PPIL6: variants seen among roughly 807,000 people sequenced by gnomAD.
PPIL6 encodes probable inactive peptidyl-prolyl cis-trans isomerase-like 6.
A neutral mutation model predicts 36.8 loss-of-function variants in PPIL6; 39 were observed. The observed-to-expected ratio is 1.06, with a 90% CI of 0.82 to 1.38. PPIL6 has a LOEUF of 1.38. Ranked by LOEUF, PPIL6 falls within the 40% of genes most tolerant of loss-of-function variation. The pLI, the probability that PPIL6 is intolerant of heterozygous loss-of-function variation, is 0.00. For synonymous variants in PPIL6, 123 were observed against 134.1 expected (o/e 0.92, Z 0.57); for missense variants, 368 against 379.1 (o/e 0.97, Z 0.24).
chr6:109,417,994 A>G (rs1312170003), intron 6 of PPIL6: 1 of 152,208 alleles, frequency 6.6e-6, no homozygotes, highest in East Asian at 1.9e-4. Context: ...CTTTCAGAGA[A>G]ACTCTCTTTG....
intron 1 of PPIL6, among the ~76,000 whole-genome samples, chr6:109,436,462 A>C (rs1415811575): frequency 6.6e-6 from 1 of 152,216 alleles, no homozygotes; most frequent in Non-Finnish European, 1.5e-5. Context: ...TCACACCTGT[A>C]ATCTCAGCAC....
chr6:109,417,297 C>T (rs1773315614), intron 6 of PPIL6, among the ~76,000 whole-genome samples: 1 of 152,014 alleles, frequency 6.6e-6, no homozygotes, highest in Admixed American at 6.6e-5. Flanking sequence ...GTAGTAGTCC[C>T]ACCTACTTAG....
intron 6 of PPIL6, among the ~76,000 whole-genome samples, chr6:109,415,207 T>A (rs1483838139): frequency 6.6e-6 from 1 of 152,232 alleles, no homozygotes; most frequent in Non-Finnish European, 1.5e-5. Flanking sequence ...ACTTTTTGCT[T>A]TTTCATTTCT....
chr6:109,439,194 C>A (rs1484187501), intron 1 of PPIL6, among the ~76,000 whole-genome samples: 1 of 152,130 alleles, frequency 6.6e-6, no homozygotes, highest in Non-Finnish European at 1.5e-5. Flanking sequence ...GAAAAAAAAT[C>A]TCTGAAACTC....
chr6:109,429,484 C>G (rs1254411073), intron 3 of PPIL6, among the ~76,000 whole-genome samples: 1 of 152,004 alleles, frequency 6.6e-6, no homozygotes, highest in Middle Eastern at 3.2e-3. Context: ...CCCTTCCTAT[C>G]TGGGGAACTC....
intron 6 of PPIL6, chr6:109,403,033 C>A (rs751967242): frequency 1.9e-5 from 29 of 1,528,438 alleles, no homozygotes; most frequent in Non-Finnish European, 2.5e-5. Flanking sequence ...CTGCTCACCT[C>A]GGTATTTCTC....
intron 6 of PPIL6, among the ~76,000 whole-genome samples, chr6:109,408,838 C>T (rs1772899759): frequency 1.3e-5 from 2 of 152,130 alleles, no homozygotes; most frequent in East Asian, 1.9e-4. Flanking sequence ...AAATTTCCTC[C>T]TCCTGAGGGA....
intron 6 of PPIL6, chr6:109,418,029 C>T (rs1289291121): frequency 6.6e-6 from 1 of 152,134 alleles, no homozygotes; most frequent in Non-Finnish European, 1.5e-5. Flanking sequence ...ATTAGTTTTC[C>T]TAAATGTTTA....
intron 2 of PPIL6, among the ~76,000 whole-genome samples, chr6:109,432,779 A>G (rs1011172845): frequency 6.6e-6 from 1 of 151,666 alleles, no homozygotes; most frequent in Admixed American, 6.6e-5. Flanking sequence ...ATTTCTAACA[A>G]CCTCCTAGGA....
chr6:109,432,900 C>T (rs1019137670), intron 2 of PPIL6, among the ~76,000 whole-genome samples: 1 of 152,110 alleles, frequency 6.6e-6, no homozygotes, highest in African/African-American at 2.4e-5. Flanking sequence ...ATTTAATATC[C>T]TATTGCTTGC....
chr6:109,413,788 A>C lies in PPIL6; in HGVS notation c.688+5399T>G, dbSNP rs1773121278. ...ATGGAATACTATTCAGCCATAAAAA[A>C]GAATGAGATCCAGTCATTTGCAACA... is the stretch of plus-strand genomic sequence containing the variant. On this transcript the variant is annotated intron_variant, in intron 6 of 7. Coordinates refer to ENST00000521072, the MANE Select transcript of PPIL6 (RefSeq NM_173672.5). This position sits in a 1 kb window ranked among gnomAD's most constrained non-coding sequence, Gnocchi z 4.6. 6.6e-6 allele frequency among the ~76,000 whole-genome samples: 1 copy of C among 152,260 alleles called. No individual in the cohort carries two copies. Among genetic ancestry groups the C allele is most frequent in the African/African-American group, 2.4e-5 (1 of 41,476 alleles).
intron 7 of PPIL6, among the ~76,000 whole-genome samples, chr6:109,396,012 T>G (rs1024711811): frequency 6.6e-6 from 1 of 151,844 alleles, no homozygotes; most frequent in Non-Finnish European, 1.5e-5. Flanking sequence ...TTTTGTATTT[T>G]TTTTAGTAGA....
intron 3 of PPIL6, among the ~76,000 whole-genome samples, chr6:109,428,314 G>T (rs900977936): frequency 6.6e-6 from 1 of 152,116 alleles, no homozygotes; most frequent in African/African-American, 2.4e-5. Context: ...ACTTTAGGGG[G>T]CCAAGGTGGG....
In PPIL6 at chr6:109,400,176, A is replaced by C; in HGVS notation, c.689-6T>G. On this transcript the variant is annotated splice_region_variant and splice_polypyrimidine_tract_variant and intron_variant, in intron 6 of 7. Coordinates refer to ENST00000521072, the MANE Select transcript of PPIL6 (RefSeq NM_173672.5). ...AGGAACTGAAAAGTTTTCATCTAGG[A>C]AAGACAATAATCAGTAGGTCATTAG... 1 of 1,607,716 alleles carries C rather than the reference A, an allele frequency of 6.2e-7. No individual in the cohort carries two copies. Among genetic ancestry groups the C allele is most frequent in the Non-Finnish European group, 8.5e-7 (1 of 1,175,704 alleles).
At chr6:109,423,659 A>G (rs911198209) in intron 5 of PPIL6, among the ~76,000 whole-genome samples, 2 of 152,076 alleles carry the variant, frequency 1.3e-5, no homozygotes, top group Non-Finnish European at 2.9e-5. Context: ...TCTTATGTAA[A>G]ACATGATCAT....
chr6:109,429,207 C>T (rs9487100), intron 3 of PPIL6, among the ~76,000 whole-genome samples: 49,566 of 152,062 alleles, frequency 0.33, 8,084 homozygotes, highest in Middle Eastern at 0.41. Context: ...CGAATTATTT[C>T]GGGCTTTCAT....
rs535079747 is a variant in PPIL6 at position 109,400,064 on chromosome 6, A to G, written c.795T>C (p.Pro265=). The change falls in exon 7 of 8, where the codon CCT becomes CCC. Residue 265 remains proline, a synonymous_variant. Coordinates refer to ENST00000521072, the MANE Select transcript of PPIL6 (RefSeq NM_173672.5). ...AAGCCACAAATTTTCTATCTAGATA[A>G]GGAGTTGCTTGCAGTGTGATATAGA... ...SQFYITLQAT[P]YLDRKFVAFG... 74 of 1,613,332 alleles carry G rather than the reference A, an allele frequency of 4.6e-5. No individual in the cohort carries two copies. In the Middle Eastern group the frequency reaches 6.6e-4, roughly 14 times the overall value.
At chr6:109,434,173 T>C (rs1774319347) in intron 2 of PPIL6, among the ~76,000 whole-genome samples, 1 of 152,160 alleles carries the variant, frequency 6.6e-6, no homozygotes, top group South Asian at 2.1e-4. Flanking sequence ...TATCCTACTT[T>C]TAGCACCAAA....
At chr6:109,426,765 A>G in intron 5 of PPIL6, 82 bp downstream of exon 5, 1 of 952,198 alleles carries the variant, frequency 1.1e-6, no homozygotes, top group Non-Finnish European at 1.5e-6. Flanking sequence ...CTAATTCTAC[A>G]TACATTTCAT....
Sources: gnomAD v4.1 joint callset for allele counts (sites outside exome capture counted in the v4.1 genomes callset) on GRCh38, gnomAD v4.1.1 for gene constraint, Gnocchi (gnomAD v3.1) non-coding constraint, MANE v1.5 for transcripts, NCBI Gene and HGNC (gene_info 2026-07-23, HGNC 2026-07-21) for gene names.